AMBRA1: variants seen among roughly 807,000 people sequenced by gnomAD.
The protein encoded by AMBRA1 is autophagy and beclin 1 regulator 1.
A neutral mutation model predicts 125.4 loss-of-function variants in AMBRA1; 47 were observed. That is an observed-to-expected ratio of 0.37 (90% CI 0.30 to 0.48). The LOEUF (loss-of-function observed/expected upper bound fraction) is 0.48. Ranked by LOEUF, AMBRA1 falls within the 20% of genes least tolerant of loss-of-function variation. AMBRA1 has a pLI of 0.99. For missense variants in AMBRA1, 1,331 were observed against 1,693.4 expected, an observed-to-expected ratio of 0.79 and a Z score of 3.76; for synonymous variants, 626 against 655.5, an observed-to-expected ratio of 0.95 and a Z score of 0.69.
chr11:46,519,915 G>A (rs1365154806), intron 7 of AMBRA1, among the ~76,000 whole-genome samples: 4 of 152,100 alleles, frequency 2.6e-5, no homozygotes, highest in African/African-American at 9.7e-5. Flanking sequence ...CAAGGTGGGC[G>A]GATCACCTGA....
intron 11 of AMBRA1, among the ~76,000 whole-genome samples, chr11:46,488,157 A>G (rs1198777326): frequency 1.3e-5 from 2 of 152,222 alleles, no homozygotes; most frequent in African/African-American, 2.4e-5. Flanking sequence ...TACATTAATC[A>G]AAAATTGACA....
Position 46,443,515 on chromosome 11 carries a change from T to G in AMBRA1, c.2605A>C (p.Lys869Gln). 6.2e-7 allele frequency: 1 copy of G among 1,614,156 alleles called. No individual in the cohort carries two copies. The highest frequency in any genetic ancestry group is 2.2e-5 in the East Asian group (1 of 44,888). ...TTACTGATTTCAGGGAGGTCAAACT[T>G]AGTGAAGTCCCACCACTGGAGCCGG... is the stretch of plus-strand genomic sequence containing the variant. The part of the protein sequence containing the change: ...TYRLQWWDFT[K>Q]FDLPEISNAS... Residue 869 changes from lysine to glutamine, a missense_variant, in exon 12 of 18, where the codon AAG becomes CAG. This residue lies in a region of AMBRA1 where 354 missense variants were observed against 532.7 expected (regional missense o/e 0.66). Coordinates refer to ENST00000683756, the MANE Select transcript of AMBRA1 (RefSeq NM_001387011.1).
chr11:46,567,591 C>T (rs2043579453), intron 1 of AMBRA1, among the ~76,000 whole-genome samples: 1 of 151,762 alleles, frequency 6.6e-6, no homozygotes. Flanking sequence ...GAACTCCTGG[C>T]CTCAAGTGAT....
At chr11:46,455,945 G>T (rs1194876373) in intron 11 of AMBRA1, among the ~76,000 whole-genome samples, 1 of 152,170 alleles carries the variant, frequency 6.6e-6, no homozygotes, top group East Asian at 1.9e-4. Flanking sequence ...GAGAAAGAGG[G>T]TGAGGCCTGT....
chr11:46,426,697 G>T (rs989517140), intron 14 of AMBRA1, among the ~76,000 whole-genome samples: 1 of 152,046 alleles, frequency 6.6e-6, no homozygotes, highest in East Asian at 1.9e-4. Context: ...CTGAAGAAAA[G>T]AACTTTTTGA....
intron 12 of AMBRA1, among the ~76,000 whole-genome samples, chr11:46,438,790 G>A (rs1349801357): frequency 1.3e-5 from 2 of 152,128 alleles, no homozygotes; most frequent in Admixed American, 1.3e-4. Context: ...AAATCATAGT[G>A]AATCTAATGT....
At chr11:46,529,287 G>T (rs763394995) in intron 7 of AMBRA1, among the ~76,000 whole-genome samples, 1 of 152,220 alleles carries the variant, frequency 6.6e-6, no homozygotes, top group Non-Finnish European at 1.5e-5. Context: ...CAGCAAATAA[G>T]CTTGGAACCT....
chr11:46,425,920 G>A (rs1414345440), intron 14 of AMBRA1, among the ~76,000 whole-genome samples: 1 of 151,952 alleles, frequency 6.6e-6, no homozygotes, highest in Non-Finnish European at 1.5e-5. Context: ...GCTGCGGTGG[G>A]CAGATCACAA....
chr11:46,434,457 G>A (rs1400355877), intron 13 of AMBRA1, among the ~76,000 whole-genome samples: 1 of 150,448 alleles, frequency 6.6e-6, no homozygotes, highest in Non-Finnish European at 1.5e-5. Flanking sequence ...TTTCTGTATG[G>A]TAACACTGCT....
At chr11:46,469,838 CTTTT>C (rs34785738) in intron 11 of AMBRA1, among the ~76,000 whole-genome samples, 3 of 128,306 alleles carry the variant, frequency 2.3e-5, no homozygotes, top group Admixed American at 1.6e-4. Flanking sequence ...CTAACTTAAA[CTTTT>C]TTTTTTTTTT....
rs1162857231 is a variant in AMBRA1, at chr11:46,581,797, CAAA to C, written c.-121+12028_-121+12030del. 2.1e-3 allele frequency among the ~76,000 whole-genome samples: 149 copies of C among 69,934 alleles called. 2 individuals carry two copies. Among genetic ancestry groups the C allele is most frequent in the African/African-American group, 6.5e-3 (134 of 20,598 alleles). 45.9% of individuals were successfully genotyped at this position (69,934 alleles called of 152,430 possible). On this transcript the variant is annotated intron_variant, in intron 1 of 17. Coordinates refer to ENST00000683756, the MANE Select transcript of AMBRA1 (RefSeq NM_001387011.1). ...CCTGGGCTACAGAGCAAAACTCCAT[CAAA>C]AAAAAAAAAAAAAAAAAAAAATCCA...
chr11:46,530,708 A>G (rs971206967), intron 7 of AMBRA1: 1 of 152,192 alleles, frequency 6.6e-6, no homozygotes, highest in African/African-American at 2.4e-5. Flanking sequence ...TCACATTCCT[A>G]TAAAGCAGGA....
chr11:46,398,489 TATTGATTG>T (rs1004538404), intron 17 of AMBRA1, among the ~76,000 whole-genome samples: 1 of 152,198 alleles, frequency 6.6e-6, no homozygotes, highest in African/African-American at 2.4e-5. Flanking sequence ...GTTATTTTTA[TATTGATTG>T]ATTGATTGAT....
At chr11:46,574,729 G>A (rs2043892039) in intron 1 of AMBRA1, among the ~76,000 whole-genome samples, 1 of 152,096 alleles carries the variant, frequency 6.6e-6, no homozygotes, top group Non-Finnish European at 1.5e-5. Context: ...GCCAACTCTT[G>A]GGCACCTCCA....
intron 14 of AMBRA1, among the ~76,000 whole-genome samples, chr11:46,431,505 T>C (rs1450207031): frequency 6.6e-6 from 1 of 152,240 alleles, no homozygotes; most frequent in Admixed American, 6.5e-5. Context: ...CAGCCAGATG[T>C]TTCTGGCTAC....
chr11:46,457,060 T>G (rs773157267), intron 11 of AMBRA1, among the ~76,000 whole-genome samples: 2 of 152,222 alleles, frequency 1.3e-5, no homozygotes, highest in Non-Finnish European at 2.9e-5. Context: ...GCCCAGCTTC[T>G]AAAGGGTGAA....
chr11:46,405,711 G>A (rs1046578469), intron 17 of AMBRA1, among the ~76,000 whole-genome samples: 1 of 151,986 alleles, frequency 6.6e-6, no homozygotes, highest in Admixed American at 6.5e-5. Flanking sequence ...GAGTGACAGA[G>A]TGAGACTCTA....
intron 1 of AMBRA1, among the ~76,000 whole-genome samples, chr11:46,563,696 T>A (rs1183654735): frequency 6.8e-6 from 1 of 147,990 alleles, no homozygotes; most frequent in Non-Finnish European, 1.5e-5. Context: ...GAAAATTAGC[T>A]GGGTATAGTG....
chr11:46,418,072 G>GA lies in AMBRA1; in HGVS notation c.2977-21dup, dbSNP rs781399773. On this transcript the variant is annotated intron_variant, in intron 14 of 17. Transcript: ENST00000683756. ...AACTCTCTAGGTAGAGGAAAAGAGG[G>GA]AAAAAAAGAGAATGGGAGGAGAAAC... The GA allele has an allele frequency of 3.8e-5, 57 of 1,511,968 alleles. No homozygotes were observed. In the Middle Eastern group the frequency reaches 5.3e-4, roughly 14 times the overall value. The allele number at this position is 1,511,968 out of a possible 1,614,324, so 93.7% of individuals were successfully genotyped here. A position where few individuals can be genotyped will look rare whatever the true frequency, so the allele number is the denominator to read the frequency against.
Sources: gnomAD v4.1 joint callset for allele counts (sites outside exome capture counted in the v4.1 genomes callset) on GRCh38, gnomAD v4.1.1 for gene constraint, gnomAD v4.1.1 regional missense constraint, MANE v1.5 for transcripts, NCBI Gene and HGNC (gene_info 2026-07-23, HGNC 2026-07-21) for gene names.